PPP2R5C: variants seen among roughly 807,000 people sequenced by gnomAD.
PPP2R5C encodes serine/threonine-protein phosphatase 2A 56 kDa regulatory subunit gamma isoform.
In PPP2R5C, 7 loss-of-function variants were observed where a neutral mutation model predicts 68.9. The ratio of observed to expected loss-of-function variants is 0.10; its 90% CI spans 0.06 to 0.19. The LOEUF (loss-of-function observed/expected upper bound fraction) is 0.19. Among genes scored for constraint, PPP2R5C ranks in the 10% least tolerant of loss-of-function variants. The probability of loss-of-function intolerance (pLI) is 1.00; values close to 1 mark genes in which losing one functional copy is unlikely to be tolerated. For missense variants in PPP2R5C, 348 were observed against 641.3 expected (o/e 0.54, Z 4.94); for synonymous variants, 210 against 222.2 (o/e 0.95, Z 0.49).
At chr14:101,912,276 A>G in intron 11 of PPP2R5C, 125 bp from the exon 14 acceptor site, 1 of 653,814 alleles carries the variant, frequency 1.5e-6, no homozygotes, top group South Asian at 3.3e-5. Flanking sequence ...AAGTGTGGGG[A>G]AATGGAGCAG....
In PPP2R5C at chr14:101,913,904, G is replaced by A. The variant is rs771993193; in HGVS notation, c.1326+1431G>A. Among the ~76,000 whole-genome samples the A allele has an allele frequency of 7.9e-5, 12 of 152,004 alleles. No homozygotes were observed. Among genetic ancestry groups the A allele is most frequent in the East Asian group, 5.8e-4 (3 of 5,176 alleles). ...CACACACACACAAACACACACACAC[G>A]AATCAGAAGGTCTGATTTTATGTAC... On this transcript the variant is annotated intron_variant, in intron 12 of 13. Transcript: ENST00000334743. This position sits in a 1 kb window ranked among gnomAD's most constrained non-coding sequence, Gnocchi z 4.1.
At chr14:101,773,170 C>T (rs551224931) in intron 2 of PPP2R5C, among the ~76,000 whole-genome samples, 95 of 152,290 alleles carry the variant, frequency 6.2e-4, no homozygotes, top group African/African-American at 2.2e-3. Flanking sequence ...TGGAGTTTGC[C>T]TCCAGTGAGG....
At chr14:101,852,100 A>G (rs892155164) in intron 1 of PPP2R5C, among the ~76,000 whole-genome samples, 1 of 152,226 alleles carries the variant, frequency 6.6e-6, no homozygotes, top group African/African-American at 2.4e-5. Flanking sequence ...AACCTCCAGC[A>G]CACACCTCCA....
upstream of PPP2R5C, among the ~76,000 whole-genome samples, chr14:101,761,050 G>A (rs377038929): frequency 0.048 from 6,297 of 131,994 alleles, 259 homozygotes; most frequent in East Asian, 0.11. Flanking sequence ...AGGGGACGGA[G>A]GGGAGGGGAG....
At chr14:101,795,085 A>G (rs1164360661) in intron 3 of PPP2R5C, among the ~76,000 whole-genome samples, 1 of 152,178 alleles carries the variant, frequency 6.6e-6, no homozygotes, top group Non-Finnish European at 1.5e-5. Context: ...ATTTTTAGCA[A>G]CCGTTTATTA....
chr14:101,850,465 T>C (rs2042089456), intron 1 of PPP2R5C, among the ~76,000 whole-genome samples: 1 of 152,200 alleles, frequency 6.6e-6, no homozygotes, highest in African/African-American at 2.4e-5. Flanking sequence ...AAGACTTTAT[T>C]GGGAGACATT....
At chr14:101,866,630 A>G (rs553786957) in intron 2 of PPP2R5C, among the ~76,000 whole-genome samples, 1 of 152,228 alleles carries the variant, frequency 6.6e-6, no homozygotes, top group Non-Finnish European at 1.5e-5. Flanking sequence ...AGATCACGCT[A>G]CTGTGCTCCA....
intron 8 of PPP2R5C, among the ~76,000 whole-genome samples, chr14:101,896,715 G>GTT (rs567574471): frequency 2.7e-5 from 4 of 150,204 alleles, no homozygotes; most frequent in Admixed American, 2.7e-4. Context: ...TTACATTGGA[G>GTT]TTTTTTTTTA....
intron 2 of PPP2R5C, among the ~76,000 whole-genome samples, chr14:101,874,843 G>A (rs1050312921): frequency 6.6e-6 from 1 of 152,020 alleles, no homozygotes; most frequent in African/African-American, 2.4e-5. Context: ...AAGTTCAAGC[G>A]ATTCTCCTGC....
chr14:101,777,863 C>G (rs1489518246), intron 2 of PPP2R5C, among the ~76,000 whole-genome samples: 1 of 151,920 alleles, frequency 6.6e-6, no homozygotes, highest in Non-Finnish European at 1.5e-5. Context: ...GCCTTGAACT[C>G]CTGGGCTCAA....
chr14:101,794,053 CA>C (rs1238910924), intron 3 of PPP2R5C, among the ~76,000 whole-genome samples: 1 of 152,132 alleles, frequency 6.6e-6, no homozygotes, highest in East Asian at 1.9e-4. Context: ...CGGGGCAAGC[CA>C]TGGGTGGTTT....
intron 9 of PPP2R5C, among the ~76,000 whole-genome samples, 199 bp downstream of exon 11, chr14:101,902,088 G>A (rs1049444273): frequency 6.6e-6 from 1 of 152,108 alleles, no homozygotes; most frequent in Non-Finnish European, 1.5e-5. Context: ...CCCTTCTGCC[G>A]CGATACTTTT....
intron 1 of PPP2R5C, among the ~76,000 whole-genome samples, chr14:101,830,180 T>C (rs910775934): frequency 1.3e-5 from 2 of 152,210 alleles, no homozygotes; most frequent in African/African-American, 4.8e-5. Context: ...AAGACAAATA[T>C]GTTCTAATCC....
chr14:101,762,833 G>A, intron 1 of PPP2R5C, 72 bp from the exon 2 acceptor site: 1 of 1,247,220 alleles, frequency 8.0e-7, no homozygotes. Flanking sequence ...TTTTAAAACT[G>A]CATTTGGCTT....
intron 3 of PPP2R5C, among the ~76,000 whole-genome samples, chr14:101,804,747 G>A (rs1284999388): frequency 6.6e-6 from 1 of 151,992 alleles, no homozygotes; most frequent in Non-Finnish European, 1.5e-5. Flanking sequence ...TTGGCGGGGG[G>A]GATGGTCAAT....
At chr14:101,815,732 T>C (rs1227836120) in intron 1 of PPP2R5C, among the ~76,000 whole-genome samples, 4 of 152,296 alleles carry the variant, frequency 2.6e-5, no homozygotes, top group African/African-American at 4.8e-5. Context: ...TGCAGTGGCG[T>C]GATCTCGGCT....
At chr14:101,794,805 T>A (rs1259953386) in intron 3 of PPP2R5C, among the ~76,000 whole-genome samples, 1 of 152,230 alleles carries the variant, frequency 6.6e-6, no homozygotes, top group East Asian at 1.9e-4. Context: ...TGAAGGCTAT[T>A]GAATTTGGGG....
rs1325802753 is a variant in PPP2R5C, at chr14:101,834,040, C to T, written c.95-22646C>T. On this transcript the variant is annotated intron_variant, in intron 1 of 13. Coordinates refer to ENST00000334743, the Ensembl canonical transcript of PPP2R5C. ...CCAGGCTGGTCTCAAAACTCCTGAC[C>T]TCAAGTGATCCACCTGCCTCAGCCT... Among the ~76,000 whole-genome samples the T allele has an allele frequency of 2.6e-5, 4 of 152,256 alleles. No individual in the cohort carries two copies. The South Asian group carries it at 6.2e-4, about 24-fold the overall frequency.
intron 1 of PPP2R5C, among the ~76,000 whole-genome samples, chr14:101,816,508 C>A (rs7160854): frequency 0.011 from 1,634 of 152,170 alleles, 25 homozygotes; most frequent in African/African-American, 0.037. Context: ...GATCCTTGTT[C>A]TAAAAAGTGT....
Sources: allele counts gnomAD v4.1 joint callset (sites outside exome capture counted in the v4.1 genomes callset), GRCh38; gene constraint gnomAD v4.1.1; non-coding constraint Gnocchi (gnomAD v3.1); transcripts MANE v1.5; gene names NCBI Gene and HGNC (gene_info 2026-07-23, HGNC 2026-07-21).